Variants in ENOSF1 observed in about 807,000 individuals in gnomAD.
ENOSF1 encodes the protein mitochondrial enolase superfamily member 1.
ENOSF1 carries 73 observed loss-of-function variants against 68.2 expected under a neutral mutation model. The ratio of observed to expected loss-of-function variants is 1.07; its 90% CI spans 0.89 to 1.30. The LOEUF is 1.30. Among genes scored for constraint, ENOSF1 ranks in the 50% most tolerant of loss-of-function variants. The pLI, the probability that ENOSF1 is intolerant of heterozygous loss-of-function variation, is 0.00. For missense variants in ENOSF1, 589 were observed against 554.5 expected, an observed-to-expected ratio of 1.06 and a Z score of -0.62; for synonymous variants, 223 against 210.4, an observed-to-expected ratio of 1.06 and a Z score of -0.52.
Position 688,563 on chromosome 18 carries a change from A to C in ENOSF1, c.653+11T>G. ...GCCAACTGGGAAAGTCAGGTCCATC[A>C]TCACACTCACCTGGTCCAGCCATCC... is the stretch of plus-strand genomic sequence containing the variant. On this transcript the variant is annotated intron_variant, in intron 9 of 15. Transcript: ENST00000647584. 2 of 1,614,024 alleles carry C rather than the reference A, an allele frequency of 1.2e-6. No homozygotes were observed. The highest frequency in any genetic ancestry group is 1.7e-6 in the Non-Finnish European group (2 of 1,179,964).
Position 685,950 on chromosome 18 carries a change from G to A in ENOSF1, c.712C>T (p.Arg238Ter), listed in dbSNP as rs748201518. The A allele has an allele frequency of 8.7e-6, 14 of 1,613,846 alleles. No homozygotes were observed. The highest frequency in any genetic ancestry group is 6.6e-5 in the South Asian group (6 of 91,078). Reference protein sequence around the residue: ...QDDMRRCQIIRDMIGPEKTLM... With the variant: ...QDDMRRCQII ...GTCTTTTCCGGTCCAATCATGTCTC[G>A]GATGATTTGGCATCTTCGCATGTCA... The change falls in exon 10 of 16, where the codon CGA (arginine) becomes TGA (stop). Residue 238 changes from arginine to a stop codon, truncating the protein, a stop_gained. Transcript: ENST00000647584. LOFTEE classifies it high-confidence loss of function.
intron 7 of ENOSF1, chr18:690,842 C>T (rs753874015): frequency 3.0e-5 from 42 of 1,411,998 alleles, no homozygotes; most frequent in Non-Finnish European, 3.6e-5. Context: ...GCTCTCCCTA[C>T]AGTGTAATCC....
downstream of ENOSF1, among the ~76,000 whole-genome samples, chr18:668,475 T>TAATC (rs1012619245): frequency 1.3e-5 from 2 of 152,184 alleles, no homozygotes; most frequent in Admixed American, 6.5e-5. Flanking sequence ...CAAGGTGGTG[T>TAATC]AATCATTACA....
chr18:708,173 T>C (rs570795090), intron 1 of ENOSF1, among the ~76,000 whole-genome samples: 4 of 152,184 alleles, frequency 2.6e-5, no homozygotes, highest in African/African-American at 9.6e-5. Context: ...AAGTAAATTA[T>C]GAAGGCAGAT....
chr18:690,719 G>A (rs2077059681), intron 7 of ENOSF1, 88 bp from the exon 8 acceptor site: 1 of 1,575,856 alleles, frequency 6.3e-7, no homozygotes, highest in Admixed American at 1.8e-5. Context: ...TTCCCCTGGA[G>A]AGTCCAGCTG....
In ENOSF1 at chr18:671,200, G is replaced by A; in HGVS notation, c.*3105C>T. ...GACAGGAGCAATTGCTTGAGGTCTG[G>A]AGTTCAATACCAGCCTGGGCAACAT... is the stretch of plus-strand genomic sequence containing the variant. On this transcript the variant is annotated 3_prime_UTR_variant, in exon 16 of 16. Coordinates refer to ENST00000647584, the MANE Select transcript of ENOSF1 (RefSeq NM_017512.7). 6.4e-6 allele frequency: 4 copies of A among 622,750 alleles called. No homozygotes were observed. Among genetic ancestry groups the A allele is most frequent in the Non-Finnish European group, 1.1e-5 (4 of 354,754 alleles). The allele number at this position is 622,750 out of a possible 1,614,324, so 38.6% of individuals were successfully genotyped here. A position where few individuals can be genotyped will look rare whatever the true frequency, so the allele number is the denominator to read the frequency against.
chr18:709,637 G>A (rs530740566), intron 1 of ENOSF1, among the ~76,000 whole-genome samples: 38 of 152,076 alleles, frequency 2.5e-4, no homozygotes, highest in Non-Finnish European at 4.0e-4. Flanking sequence ...CAGGTGTGGT[G>A]GTGCACACCT....
At chr18:697,531 A>C (rs907200844) in intron 2 of ENOSF1, among the ~76,000 whole-genome samples, 176 bp from the exon 3 acceptor site, 2 of 152,222 alleles carry the variant, frequency 1.3e-5, no homozygotes. Flanking sequence ...CAGGAGGACC[A>C]CTTGAGATGA....
At chr18:674,479 G>C in intron 15 of ENOSF1, 73 bp from the exon 16 acceptor site, 1 of 945,378 alleles carries the variant, frequency 1.1e-6, no homozygotes, top group Non-Finnish European at 1.6e-6. Flanking sequence ...CATTTATGCT[G>C]CTCCAAGAAA....
intron 2 of ENOSF1, among the ~76,000 whole-genome samples, chr18:697,568 T>C (rs1001494938): frequency 3.3e-5 from 5 of 152,082 alleles, no homozygotes; most frequent in African/African-American, 7.2e-5. Flanking sequence ...CTGGCCAAAA[T>C]GGCAAAACCC....
chr18:692,266 TAA>T (rs1199372387), intron 5 of ENOSF1: 1 of 152,118 alleles, frequency 6.6e-6, no homozygotes, highest in African/African-American at 2.4e-5. Flanking sequence ...TACTCTACCA[TAA>T]CTGTCGAAAA....
rs986251746 is a variant in ENOSF1, at chr18:712,584, C to A, written c.4G>T (p.Val2Leu). M[V>L]RGRISRLSVR... ...GAGAGCCGGGAGATCCTGCCGCGCA[C>A]CATGGCCCCTGCGCCCCGTGGCCGC... The change falls in exon 1 of 16, where the codon GTG becomes TTG. Residue 2 changes from valine to leucine, a missense_variant. Coordinates refer to ENST00000647584, the MANE Select transcript of ENOSF1 (RefSeq NM_017512.7). The A allele has an allele frequency of 9.1e-6, 14 of 1,536,504 alleles. No homozygotes were observed. Among genetic ancestry groups the A allele is most frequent in the Non-Finnish European group, 1.2e-5 (14 of 1,145,214 alleles).
chr18:690,466 A>G, intron 8 of ENOSF1, 83 bp downstream of exon 8: 2 of 1,459,234 alleles, frequency 1.4e-6, no homozygotes, highest in South Asian at 2.3e-5. Flanking sequence ...TGAGGTACTG[A>G]GAGTAGTGGT....
At chr18:712,200 G>A (rs536503637) in intron 1 of ENOSF1, among the ~76,000 whole-genome samples, 1 of 152,166 alleles carries the variant, frequency 6.6e-6, no homozygotes, top group Non-Finnish European at 1.5e-5. Context: ...AAAGTTTCTG[G>A]ATACTTATAC....
At chr18:682,809 G>C (rs1375997946) in intron 11 of ENOSF1, among the ~76,000 whole-genome samples, 4 of 151,456 alleles carry the variant, frequency 2.6e-5, no homozygotes, top group Non-Finnish European at 5.9e-5. Context: ...CTTGAACTCG[G>C]GAGGCAGAGG....
chr18:667,011 TGATGGA>T (rs1295681564), downstream of ENOSF1, among the ~76,000 whole-genome samples: 12 of 5,888 alleles, frequency 2.0e-3, 1 homozygote, highest in South Asian at 0.012. Flanking sequence ...ATGGTGATGG[TGATGGA>T]GATGGAGATG....
Position 694,338 on chromosome 18 carries a change from G to T in ENOSF1, c.310-4C>A, listed in dbSNP as rs765531508. 1 of 1,613,988 alleles carries T rather than the reference G, an allele frequency of 6.2e-7. No homozygotes were observed. The highest frequency in any genetic ancestry group is 1.3e-5 in the African/African-American group (1 of 75,012). On this transcript the variant is annotated splice_region_variant and splice_polypyrimidine_tract_variant and intron_variant, in intron 3 of 15. Transcript: ENST00000647584. ...CCACGCCCTTTTCTGGACCAATCTG[G>T]TTAGGAAGCAAAGTACAAAAGCACT...
At chr18:701,460 TAA>T (rs879594494) in intron 2 of ENOSF1, among the ~76,000 whole-genome samples, 1 of 140,358 alleles carries the variant, frequency 7.1e-6, no homozygotes, top group Non-Finnish European at 1.6e-5. Flanking sequence ...AATAAAGTCT[TAA>T]AAAAAAAAAA....
rs1001366702 is a variant in ENOSF1, at chr18:672,556, T to G, written c.*1749A>C. On this transcript the variant is annotated 3_prime_UTR_variant, in exon 16 of 16. Transcript: ENST00000647584. ...ACGTAGAGCTACTATGAGTTACAGA[T>G]TGACTGTGTTCCTGTCTTTAATAAA... The G allele has an allele frequency of 4.7e-6, 1 of 212,492 alleles. No individual in the cohort carries two copies. Among genetic ancestry groups the G allele is most frequent in the Non-Finnish European group, 9.5e-6 (1 of 105,310 alleles). 13.2% of individuals were successfully genotyped at this position (212,492 alleles called of 1,614,324 possible).
Sources: allele counts gnomAD v4.1 joint callset (sites outside exome capture counted in the v4.1 genomes callset), GRCh38; gene constraint gnomAD v4.1.1; transcripts MANE v1.5; gene names NCBI Gene and HGNC (gene_info 2026-07-23, HGNC 2026-07-21).